ARHGEF10L: variants seen among roughly 807,000 people sequenced by gnomAD.
ARHGEF10L encodes the protein Rho guanine nucleotide exchange factor 10 like, also known as rho guanine nucleotide exchange factor 10-like protein.
In ARHGEF10L, 69 loss-of-function variants were observed where a neutral mutation model predicts 141.2. That is an observed-to-expected ratio of 0.49 (90% CI 0.40 to 0.60). The LOEUF is 0.60. Among genes scored for constraint, ARHGEF10L ranks in the 20% least tolerant of loss-of-function variants. The pLI, the probability that ARHGEF10L is intolerant of heterozygous loss-of-function variation, is 0.00. For synonymous variants in ARHGEF10L, 711 were observed against 718.5 expected (o/e 0.99, Z 0.17); for missense variants, 1,482 against 1,734.3 (o/e 0.85, Z 2.58).
chr1:17,587,713 A>G (rs961348448), intron 3 of ARHGEF10L, 68 bp downstream of exon 3: 146 of 1,495,132 alleles, frequency 9.8e-5, no homozygotes, highest in Non-Finnish European at 1.3e-4. Context: ...CGGAAGCTCC[A>G]GGCTCTCAGG....
At chr1:17,570,718 G>A (rs540316465) in intron 1 of ARHGEF10L, among the ~76,000 whole-genome samples, 16 of 152,198 alleles carry the variant, frequency 1.1e-4, no homozygotes, top group East Asian at 9.7e-4. Context: ...GTCAGGAGGC[G>A]TTTTGAATAG....
the ARHGEF10L span, among the ~76,000 whole-genome samples, chr1:17,516,519 C>T: frequency 6.6e-6 from 1 of 152,190 alleles, no homozygotes; most frequent in Non-Finnish European, 1.5e-5. Context: ...ACTCCCCGTC[C>T]CTGTCCCCTG....
intron 2 of ARHGEF10L, among the ~76,000 whole-genome samples, chr1:17,584,018 A>G (rs1203499079): frequency 6.6e-6 from 1 of 152,012 alleles, no homozygotes; most frequent in African/African-American, 2.4e-5. Context: ...CACCCAGCCG[A>G]TTTTAAAATT....
intron 9 of ARHGEF10L, among the ~76,000 whole-genome samples, chr1:17,617,135 G>T (rs1028827615): frequency 6.6e-6 from 1 of 152,216 alleles, no homozygotes; most frequent in African/African-American, 2.4e-5. Flanking sequence ...GCCAGGGTCC[G>T]GTCAGTACAG....
upstream of ARHGEF10L, among the ~76,000 whole-genome samples, chr1:17,538,693 TAAAAAAA>T (rs35238374): frequency 7.7e-6 from 1 of 129,604 alleles, no homozygotes; most frequent in Non-Finnish European, 1.6e-5. Context: ...AGGGAGTAGT[TAAAAAAA>T]AAAAAAAAAA....
intron 2 of ARHGEF10L, among the ~76,000 whole-genome samples, chr1:17,582,318 ATT>A (rs1053842371): frequency 7.2e-5 from 11 of 151,988 alleles, no homozygotes; most frequent in Admixed American, 3.3e-4. Context: ...AGAAAAAAAA[ATT>A]TATGACTAAG....
rs779933607 is a variant in ARHGEF10L at position 17,697,066 on chromosome 1, C to G, written c.3526C>G (p.Arg1176Gly). Reference sequence around the variant, plus strand: ...CAAGAAGGGCATCCTCTTGCAGTACCGCCTGCGCTCCACCGCACACCTCCC... The same window carrying G: ...CAAGAAGGGCATCCTCTTGCAGTACGGCCTGCGCTCCACCGCACACCTCCC... ...TRKKGILLQYRLRSTAHLPGP... is the reference protein window; with the variant it reads ...TRKKGILLQYGLRSTAHLPGP... Residue 1176 changes from arginine (R) to glycine (G), a missense_variant, in exon 29 of 29, where the codon CGC (arginine) becomes GGC (glycine). Transcript: ENST00000361221. This position sits in a 1 kb window ranked among gnomAD's most constrained non-coding sequence, Gnocchi z 4.8. 6.2e-7 allele frequency: 1 copy of G among 1,604,496 alleles called. No homozygotes were observed. Among genetic ancestry groups the G allele is most frequent in the South Asian group, 1.1e-5 (1 of 90,264 alleles).
At chr1:17,583,591 C>T (rs113898785) in intron 2 of ARHGEF10L, among the ~76,000 whole-genome samples, 23 of 152,156 alleles carry the variant, frequency 1.5e-4, no homozygotes, top group African/African-American at 5.3e-4. Flanking sequence ...TCAAATAACC[C>T]GACACTCATC....
In ARHGEF10L at chr1:17,637,861, G is replaced by A. The variant is rs1343750082; in HGVS notation, c.1928-27G>A. ...GCTTCTTGTTAGCGCCTTCACCTGT[G>A]CCTGAGTTGGTCTCTTCTCTGCCCA... is the stretch of plus-strand genomic sequence containing the variant. On this transcript the variant is annotated intron_variant, in intron 18 of 28. Coordinates refer to ENST00000361221, the MANE Select transcript of ARHGEF10L (RefSeq NM_018125.4). The A allele has an allele frequency of 2.6e-6, 4 of 1,554,748 alleles. No homozygotes were observed. In the East Asian group the frequency reaches 7.2e-5, roughly 28 times the overall value.
At chr1:17,596,334 C>A (rs563326899) in intron 4 of ARHGEF10L, among the ~76,000 whole-genome samples, 1 of 152,212 alleles carries the variant, frequency 6.6e-6, no homozygotes, top group Non-Finnish European at 1.5e-5. Flanking sequence ...GTCTCTTGAT[C>A]GGGCCATCAT....
rs1167456638 is a variant in ARHGEF10L, at chr1:17,639,330, C to T, written c.2171+641C>T. Among the ~76,000 whole-genome samples the T allele has an allele frequency of 1.3e-5, 2 of 152,218 alleles. No individual in the cohort carries two copies. The highest frequency in any genetic ancestry group is 2.9e-5 in the Non-Finnish European group (2 of 68,044). ...CCTGATGAGGTCTGACTCTGAAGCC[C>T]AGGCCAGTGCAATGAGGGGGCTCAA... is the stretch of plus-strand genomic sequence containing the variant. On this transcript the variant is annotated intron_variant, in intron 20 of 28. Coordinates refer to ENST00000361221, the MANE Select transcript of ARHGEF10L (RefSeq NM_018125.4). This position sits in a 1 kb window ranked among gnomAD's most constrained non-coding sequence, Gnocchi z 4.3.
At chr1:17,544,926 C>T (rs1374679221) in intron 1 of ARHGEF10L, among the ~76,000 whole-genome samples, 1 of 152,090 alleles carries the variant, frequency 6.6e-6, no homozygotes, top group African/African-American at 2.4e-5. Context: ...TTTATAAAAC[C>T]TTCAGGTCTT....
intron 27 of ARHGEF10L, 151 bp from the exon 28 acceptor site, chr1:17,695,007 C>A: frequency 8.5e-7 from 1 of 1,180,712 alleles, no homozygotes; most frequent in Non-Finnish European, 1.3e-6. Context: ...GGTCAGCCTC[C>A]AAAGCCCCAG....
At chr1:17,655,198 G>C (rs1284379175) in intron 23 of ARHGEF10L, among the ~76,000 whole-genome samples, 1 of 152,120 alleles carries the variant, frequency 6.6e-6, no homozygotes, top group East Asian at 1.9e-4. Flanking sequence ...CCTTCTGAGA[G>C]TGATTTGTTC....
At chr1:17,629,120 A>G (rs1160839480) in intron 15 of ARHGEF10L, among the ~76,000 whole-genome samples, 1 of 152,158 alleles carries the variant, frequency 6.6e-6, no homozygotes, top group Non-Finnish European at 1.5e-5. Flanking sequence ...TCCTGGGCTC[A>G]AGTGAGCCTC....
chr1:17,636,068 C>G lies in ARHGEF10L; in HGVS notation c.1927+1052C>G, dbSNP rs565709015. On this transcript the variant is annotated intron_variant, in intron 18 of 28. Transcript: ENST00000361221. ...TGCTGGGTAGGAAGAGTCCTCTGCC[C>G]CACGTGCCTTCCTCGGAGGCACCTT... is the stretch of plus-strand genomic sequence containing the variant. Among the ~76,000 whole-genome samples the G allele has an allele frequency of 5.9e-5, 9 of 152,278 alleles. No homozygotes were observed. The South Asian group carries it at 1.9e-3, about 32-fold the overall frequency.
At chr1:17,671,037 T>G (rs1321226926) in intron 26 of ARHGEF10L, among the ~76,000 whole-genome samples, 1 of 152,256 alleles carries the variant, frequency 6.6e-6, no homozygotes, top group Non-Finnish European at 1.5e-5. Context: ...TTGGTCACTT[T>G]CTGCAATTAT....
chr1:17,537,321 C>A (rs1335037206), upstream of ARHGEF10L, among the ~76,000 whole-genome samples: 1 of 152,166 alleles, frequency 6.6e-6, no homozygotes, highest in Non-Finnish European at 1.5e-5. Context: ...TGGTTTGGAA[C>A]CCTAGACCCA....
intron 1 of ARHGEF10L, among the ~76,000 whole-genome samples, chr1:17,548,885 A>G (rs1235103252): frequency 3.4e-5 from 5 of 147,494 alleles, no homozygotes; most frequent in East Asian, 4.2e-4. Flanking sequence ...CTGACCTCAA[A>G]TGATTCTCCT....
Sources: gnomAD v4.1 joint callset for allele counts (sites outside exome capture counted in the v4.1 genomes callset) on GRCh38, gnomAD v4.1.1 for gene constraint, Gnocchi (gnomAD v3.1) non-coding constraint, MANE v1.5 for transcripts, NCBI Gene and HGNC (gene_info 2026-07-23, HGNC 2026-07-21) for gene names.